ITPRID2: variants seen among roughly 807,000 people sequenced by gnomAD.
ITPRID2 encodes ITPR interacting domain containing 2, also known as protein ITPRID2.
Under a neutral mutation model 124.3 loss-of-function variants are expected in ITPRID2, and 60 were observed. That is an observed-to-expected ratio of 0.48 (90% CI 0.39 to 0.60). The LOEUF is 0.60. Among genes scored for constraint, ITPRID2 ranks in the 20% least tolerant of loss-of-function variants. ITPRID2 has a pLI of 0.00. For missense variants in ITPRID2, 1,553 were observed against 1,512.2 expected (o/e 1.03, Z -0.45); for synonymous variants, 521 against 542.9 (o/e 0.96, Z 0.56).
In ITPRID2 at chr2:181,916,257, A is replaced by G. The variant is rs1559007579; in HGVS notation, c.2617A>G (p.Ile873Val). 1.2e-6 allele frequency: 2 copies of G among 1,614,192 alleles called. No homozygotes were observed. ...TCTGAGCACTCACAGTGTTCCCAAC[A>G]TATCAGGGGCTACTTGTAGTGCCTT... ...RTLSTHSVPN[I>V]SGATCSAFAS... Residue 873 changes from isoleucine to valine, a missense_variant, in exon 11 of 18, where the codon ATA (isoleucine) becomes GTA (valine). Coordinates refer to ENST00000431877, the MANE Select transcript of ITPRID2 (RefSeq NM_001130445.3).
intron 16 of ITPRID2, among the ~76,000 whole-genome samples, chr2:181,923,332 T>C (rs543697016): frequency 6.6e-6 from 1 of 152,230 alleles, no homozygotes; most frequent in Non-Finnish European, 1.5e-5. Context: ...TGCAGTTCTC[T>C]AGTATTTCAA....
chr2:181,898,855 C>T (rs374982944), intron 4 of ITPRID2, 25 bp from the exon 5 acceptor site: 229 of 1,564,448 alleles, frequency 1.5e-4, no homozygotes, highest in Non-Finnish European at 1.8e-4. Context: ...CAATTGTGCT[C>T]TACGTTTATT....
intron 10 of ITPRID2, among the ~76,000 whole-genome samples, chr2:181,914,393 G>A (rs1460960552): frequency 6.6e-6 from 1 of 152,112 alleles, no homozygotes; most frequent in Non-Finnish European, 1.5e-5. Flanking sequence ...GAAGCATATA[G>A]TCTATATGTA....
chr2:181,928,787 G>A (rs1030973304), intron 17 of ITPRID2, among the ~76,000 whole-genome samples: 29 of 152,052 alleles, frequency 1.9e-4, no homozygotes, highest in South Asian at 6.2e-4. Flanking sequence ...CACTACGCCC[G>A]GCTAATTTTT....
chr2:181,909,791 T>G, intron 8 of ITPRID2, 108 bp from the exon 9 acceptor site: 1 of 679,624 alleles, frequency 1.5e-6, no homozygotes, highest in South Asian at 2.0e-5. Flanking sequence ...TATATAATGT[T>G]TTGGTGCACT....
In ITPRID2 at chr2:181,907,259, CAA is replaced by C. The variant is rs1305990768; in HGVS notation, c.1414-2639_1414-2638del. The stretch of plus-strand genomic sequence containing the variant: ...TGAAACAAAAAGTACATTTTTTAAA[CAA>C]GAGAAAGAAACCAAAGTGAGTGCCT... On this transcript the variant is annotated intron_variant, in intron 8 of 17. Coordinates refer to ENST00000431877, the MANE Select transcript of ITPRID2 (RefSeq NM_001130445.3). This position sits in a 1 kb window ranked among gnomAD's most constrained non-coding sequence, Gnocchi z 5.1. Among the ~76,000 whole-genome samples, 2 of 151,950 alleles carry C rather than the reference CAA, an allele frequency of 1.3e-5. No homozygotes were observed. Among genetic ancestry groups the C allele is most frequent in the Non-Finnish European group, 2.9e-5 (2 of 67,958 alleles).
At chr2:181,899,197 T>C in intron 6 of ITPRID2, 85 bp downstream of exon 6, 1 of 954,792 alleles carries the variant, frequency 1.0e-6, no homozygotes, top group East Asian at 2.6e-5. Flanking sequence ...GATTTGACCT[T>C]GATCATATGA....
At chr2:181,894,798 G>A (rs1421034710) in intron 2 of ITPRID2, 1 of 152,024 alleles carries the variant, frequency 6.6e-6, no homozygotes, top group African/African-American at 2.4e-5. Flanking sequence ...ATTTGGAAGG[G>A]AGCAACTATA....
At chr2:181,927,908 T>G (rs1694981496) in intron 16 of ITPRID2, among the ~76,000 whole-genome samples, 1 of 152,206 alleles carries the variant, frequency 6.6e-6, no homozygotes, top group Non-Finnish European at 1.5e-5. Flanking sequence ...AATAACATTT[T>G]CTAATGTCCT....
In ITPRID2 at chr2:181,900,038, T is replaced by C. The variant is rs148283730; in HGVS notation, c.504-658T>C. 1.5e-3 allele frequency among the ~76,000 whole-genome samples: 234 copies of C among 152,334 alleles called. 1 individual carries two copies. The highest frequency in any genetic ancestry group is 5.4e-3 in the African/African-American group (225 of 41,582). ...ACTTTCCTGTTTTCTTCAGTGAGTC[T>C]TAGAAAGCTTGGATTATCACTGGTA... On this transcript the variant is annotated intron_variant, in intron 6 of 17. Coordinates refer to ENST00000431877, the MANE Select transcript of ITPRID2 (RefSeq NM_001130445.3).
Position 181,902,038 on chromosome 2 carries a change from G to A in ITPRID2, c.985G>A (p.Val329Ile). ...AGCTGAAAAAGGAAAGATTCTAAAT[G>A]TTTCAGTGATTGAAGAAAGTGGCAA... ...PSAEKGKILN[V>I]SVIEESGNKN... Residue 329 changes from valine to isoleucine, a missense_variant, in exon 8 of 18, where the codon GTT (valine) becomes ATT (isoleucine). Physicochemically the swap from Val to Ile is conservative, Grantham distance 29. Transcript: ENST00000431877. The surrounding 1 kb of genome is among the most constrained non-coding windows in gnomAD (Gnocchi z 4.4). 6.2e-7 allele frequency: 1 copy of A among 1,612,846 alleles called. No individual in the cohort carries two copies. The highest frequency in any genetic ancestry group is 8.5e-7 in the Non-Finnish European group (1 of 1,179,684).
intron 6 of ITPRID2, among the ~76,000 whole-genome samples, chr2:181,899,941 A>C (rs1168378650): frequency 6.6e-6 from 1 of 152,228 alleles, no homozygotes; most frequent in Non-Finnish European, 1.5e-5. Flanking sequence ...TGTTATCCAA[A>C]TTATAATATT....
At chr2:181,924,957 A>C (rs549628382) in intron 16 of ITPRID2, among the ~76,000 whole-genome samples, 2 of 152,370 alleles carry the variant, frequency 1.3e-5, no homozygotes, top group Admixed American at 1.3e-4. Context: ...AAATAAAAAG[A>C]TTACTTAATA....
intron 8 of ITPRID2, among the ~76,000 whole-genome samples, chr2:181,909,512 A>T (rs1397344517): frequency 6.6e-6 from 1 of 152,052 alleles, no homozygotes; most frequent in Admixed American, 6.5e-5. Flanking sequence ...TTTTTTTTGA[A>T]TGAAGCAGTT....
At chr2:181,903,301 T>C (rs1692830350) in intron 8 of ITPRID2, among the ~76,000 whole-genome samples, 1 of 152,184 alleles carries the variant, frequency 6.6e-6, no homozygotes, top group African/African-American at 2.4e-5. Flanking sequence ...ATTTTATACA[T>C]GAGGAAACTG....
chr2:181,913,281 A>T (rs968485157), intron 9 of ITPRID2, among the ~76,000 whole-genome samples: 1 of 152,036 alleles, frequency 6.6e-6, no homozygotes, highest in Admixed American at 6.6e-5. Context: ...GTTAGCCAGG[A>T]TGGTCTCGAT....
At chr2:181,897,827 T>C (rs552845819) in intron 4 of ITPRID2, among the ~76,000 whole-genome samples, 22 of 152,102 alleles carry the variant, frequency 1.4e-4, no homozygotes, top group African/African-American at 3.6e-4. Flanking sequence ...AAATTACTTA[T>C]TTAGAACCTT....
chr2:181,917,206 G>A (rs1694132237), intron 11 of ITPRID2: 1 of 165,010 alleles, frequency 6.1e-6, no homozygotes, highest in African/African-American at 2.4e-5. Flanking sequence ...TGAAGAAAAT[G>A]ACAATGTAAT....
chr2:181,906,260 T>C (rs1165487217), intron 8 of ITPRID2, among the ~76,000 whole-genome samples: 1 of 152,160 alleles, frequency 6.6e-6, no homozygotes, highest in Non-Finnish European at 1.5e-5. Context: ...GGCTATAATA[T>C]TCCTTTTGAT....
Sources: allele counts gnomAD v4.1 joint callset (sites outside exome capture counted in the v4.1 genomes callset), GRCh38; gene constraint gnomAD v4.1.1; non-coding constraint Gnocchi (gnomAD v3.1); transcripts MANE v1.5; gene names NCBI Gene and HGNC (gene_info 2026-07-23, HGNC 2026-07-21).